CDH23: variants seen among roughly 807,000 people sequenced by gnomAD.
CDH23 encodes the protein cadherin-23.
Under a neutral mutation model 317.1 loss-of-function variants are expected in CDH23, and 189 were observed. That is an observed-to-expected ratio of 0.60 (90% CI 0.53 to 0.67). CDH23 has a LOEUF of 0.67. Among genes scored for constraint, CDH23 ranks in the 30% least tolerant of loss-of-function variants. CDH23 has a pLI of 0.00. For synonymous variants in CDH23, 1,839 were observed against 1,876.8 expected (o/e 0.98, Z 0.52); for missense variants, 4,401 against 4,592.4 (o/e 0.96, Z 1.20).
At chr10:71,506,978 C>G (rs372380797) in intron 3 of CDH23, among the ~76,000 whole-genome samples, 86 of 152,316 alleles carry the variant, frequency 5.6e-4, no homozygotes, top group African/African-American at 1.9e-3. Context: ...CCAGCGCCCC[C>G]CTTCTTGGGA....
intron 38 of CDH23, chr10:71,750,182 A>G (rs1420064238): frequency 6.6e-6 from 1 of 152,116 alleles, no homozygotes. Context: ...TGGGAACATC[A>G]CCCGCACCTG....
Position 71,706,985 on chromosome 10 carries a change from G to A in CDH23, c.3042G>A (p.Val1014=), listed in dbSNP as rs1445821749. 1.2e-6 allele frequency: 2 copies of A among 1,607,892 alleles called. No individual in the cohort carries two copies. Among genetic ancestry groups the A allele is most frequent in the East Asian group, 2.2e-5 (1 of 44,614 alleles). The part of the protein sequence containing the change: ...VSEDVPREFR[V]VWLNCTDNDV... ...AGGACGTGCCACGCGAGTTCCGGGT[G>A]GTCTGGCTGAACTGCACGGACAACG... Residue 1014 remains valine, a synonymous_variant, in exon 26 of 70, where the codon GTG becomes GTA. Transcript: ENST00000224721.
intron 1 of CDH23, among the ~76,000 whole-genome samples, chr10:71,408,506 T>C (rs1332855731): frequency 3.9e-5 from 6 of 152,196 alleles, no homozygotes; most frequent in Admixed American, 3.9e-4. Flanking sequence ...CCTGAAGTGC[T>C]GGTGACCGCT....
intron 37 of CDH23, 103 bp downstream of exon 37, chr10:71,741,053 C>T: frequency 2.2e-6 from 3 of 1,344,148 alleles, no homozygotes; most frequent in Non-Finnish European, 1.1e-6. Flanking sequence ...CCCACTGGTC[C>T]CTCAGATCTC....
chr10:71,694,657 G>A (rs1490047397), intron 21 of CDH23, among the ~76,000 whole-genome samples: 2 of 152,102 alleles, frequency 1.3e-5, no homozygotes, highest in African/African-American at 4.8e-5. Context: ...GTCCCTGGGG[G>A]CTTGTTCTCC....
At chr10:71,487,455 T>C (rs145235553) in intron 3 of CDH23, among the ~76,000 whole-genome samples, 1 of 152,166 alleles carries the variant, frequency 6.6e-6, no homozygotes, top group African/African-American at 2.4e-5. Context: ...GACATAAGCG[T>C]GTCTCTAGAA....
Position 71,804,042 on chromosome 10 carries a change from C to T in CDH23, c.7872+622C>T, listed in dbSNP as rs138246457. On this transcript the variant is annotated intron_variant, in intron 55 of 69. Transcript: ENST00000224721. ...CTAACTCTATCGCTTATCAGCCCAACGACTTTGAGCAAGTGACTTCTGTAA... is the reference window on the plus strand; with the variant it reads ...CTAACTCTATCGCTTATCAGCCCAATGACTTTGAGCAAGTGACTTCTGTAA... Among the ~76,000 whole-genome samples the T allele has an allele frequency of 4.4e-4, 66 of 149,724 alleles. No individual in the cohort carries two copies. In the East Asian group the frequency reaches 0.012, roughly 28 times the overall value.
At chr10:71,789,697 G>A (rs1391614848) in intron 45 of CDH23, among the ~76,000 whole-genome samples, 1 of 152,202 alleles carries the variant, frequency 6.6e-6, no homozygotes, top group Non-Finnish European at 1.5e-5. Context: ...GCATGTGCGT[G>A]GGGTTACACA....
At chr10:71,571,075 C>T (rs1316335583) in intron 8 of CDH23, among the ~76,000 whole-genome samples, 157 bp downstream of exon 8, 1 of 152,182 alleles carries the variant, frequency 6.6e-6, no homozygotes, top group Middle Eastern at 3.2e-3. Context: ...CACAGCGAAA[C>T]CCCAGCCACT....
rs562234189 is a variant in CDH23 at position 71,478,259 on chromosome 10, C to G, written c.146-31823C>G. Reference sequence around the variant, plus strand: ...ATACTCTGCCGAGTGCTCTCAGCTTCTCACCGTCATCTCTTACCACTGTAT... The same window carrying G: ...ATACTCTGCCGAGTGCTCTCAGCTTGTCACCGTCATCTCTTACCACTGTAT... On this transcript the variant is annotated intron_variant, in intron 3 of 69. Transcript: ENST00000224721. 2.6e-5 allele frequency among the ~76,000 whole-genome samples: 4 copies of G among 152,362 alleles called. No individual in the cohort carries two copies. The South Asian group carries it at 8.3e-4, about 32-fold the overall frequency.
At chr10:71,812,406 G>T in intron 66 of CDH23, 74 bp from the exon 67 acceptor site, 1 of 1,608,362 alleles carries the variant, frequency 6.2e-7, no homozygotes, top group Non-Finnish European at 8.5e-7. Flanking sequence ...GGCAGGATGT[G>T]GGGTGAGGCT....
chr10:71,497,824 C>A (rs1482788158), intron 3 of CDH23, among the ~76,000 whole-genome samples: 1 of 152,174 alleles, frequency 6.6e-6, no homozygotes, highest in East Asian at 1.9e-4. Flanking sequence ...GTCACCGGGC[C>A]ACCCAGCCCT....
chr10:71,493,773 A>G (rs1852798492), intron 3 of CDH23, among the ~76,000 whole-genome samples: 1 of 152,210 alleles, frequency 6.6e-6, no homozygotes, highest in African/African-American at 2.4e-5. Context: ...TTCACAGAGC[A>G]CCCGTTAGCC....
chr10:71,740,598 T>C (rs1385957840), intron 36 of CDH23, among the ~76,000 whole-genome samples: 5 of 152,170 alleles, frequency 3.3e-5, no homozygotes, highest in Admixed American at 3.3e-4. Flanking sequence ...CAGACGACGA[T>C]TGGGCAAGAA....
intron 2 of CDH23, among the ~76,000 whole-genome samples, chr10:71,443,542 C>A (rs188617507): frequency 6.6e-6 from 1 of 152,252 alleles, no homozygotes; most frequent in African/African-American, 2.4e-5. Context: ...ACATGCCCTC[C>A]CGGTCTGCCT....
chr10:71,478,489 C>A (rs1041809317), intron 3 of CDH23, among the ~76,000 whole-genome samples: 1 of 152,218 alleles, frequency 6.6e-6, no homozygotes, highest in Non-Finnish European at 1.5e-5. Context: ...AGGGAGTTGT[C>A]CCCCTCGGTT....
intron 48 of CDH23, among the ~76,000 whole-genome samples, 197 bp downstream of exon 48, chr10:71,793,837 A>C (rs1284781633): frequency 4.0e-5 from 6 of 151,548 alleles, no homozygotes; most frequent in African/African-American, 1.5e-4. Context: ...CTGCTTCCTC[A>C]TCCTCCCTTG....
At chr10:71,586,224 G>T (rs1859053411) in intron 9 of CDH23, among the ~76,000 whole-genome samples, 1 of 152,188 alleles carries the variant, frequency 6.6e-6, no homozygotes, top group African/African-American at 2.4e-5. Context: ...GGTTGTTTTG[G>T]TGGGCGATTC....
chr10:71,482,464 A>T (rs924845767), intron 3 of CDH23, among the ~76,000 whole-genome samples: 1 of 152,184 alleles, frequency 6.6e-6, no homozygotes, highest in Non-Finnish European at 1.5e-5. Flanking sequence ...TGATGCCAGA[A>T]GTTTCTTGAC....
Sources: gnomAD v4.1 joint callset for allele counts (sites outside exome capture counted in the v4.1 genomes callset) on GRCh38, gnomAD v4.1.1 for gene constraint, MANE v1.5 for transcripts, NCBI Gene and HGNC (gene_info 2026-07-23, HGNC 2026-07-21) for gene names.